The following NBR1 variants were observed in gnomAD, a reference collection of about 807,000 sequenced individuals.
NBR1 encodes the protein next to BRCA1 gene 1 protein.
A neutral mutation model predicts 115.5 loss-of-function variants in NBR1; 59 were observed. The observed-to-expected ratio is 0.51, with a 90% CI of 0.41 to 0.63. The LOEUF is 0.63. Among genes scored for constraint, NBR1 ranks in the 30% least tolerant of loss-of-function variants. The probability of loss-of-function intolerance (pLI) is 0.00; values close to 1 mark genes in which losing one functional copy is unlikely to be tolerated. For synonymous variants in NBR1, 373 were observed against 414.7 expected (o/e 0.90, Z 1.22); for missense variants, 1,043 against 1,150.5 (o/e 0.91, Z 1.35).
At chr17:43,178,180 A>C (rs552692911) in intron 3 of NBR1, 182 bp downstream of exon 3, 1 of 639,886 alleles carries the variant, frequency 1.6e-6, no homozygotes, top group African/African-American at 1.8e-5. Flanking sequence ...GAAATGGAGA[A>C]GCAACACTGA....
intron 20 of NBR1, 138 bp from the exon 21 acceptor site, chr17:43,209,763 C>T (rs369047400): frequency 5.4e-6 from 8 of 1,485,556 alleles, no homozygotes; most frequent in Middle Eastern, 1.8e-4. Context: ...AGTGCCATAG[C>T]CTTGAATCTA....
At chr17:43,189,565 C>A (rs2056894734) in intron 7 of NBR1, 23 bp from the exon 8 acceptor site, 1 of 1,583,498 alleles carries the variant, frequency 6.3e-7, no homozygotes. Flanking sequence ...AGTTTTTTCC[C>A]TACCTTCTGC....
intron 20 of NBR1, among the ~76,000 whole-genome samples, chr17:43,209,077 T>C (rs2057368575): frequency 6.6e-6 from 1 of 151,660 alleles, no homozygotes; most frequent in Non-Finnish European, 1.5e-5. Flanking sequence ...TCTTACCTAT[T>C]CTTGTTTTTT....
chr17:43,194,892 T>A lies in NBR1; in HGVS notation c.1675-72T>A, dbSNP rs939612891. The A allele has an allele frequency of 4.3e-5, 47 of 1,097,888 alleles. No individual in the cohort carries two copies. The African/African-American group carries it at 6.5e-4, about 15-fold the overall frequency. The allele number at this position is 1,097,888 out of a possible 1,614,324, so 68.0% of individuals were successfully genotyped here. ...AGTTGAATACGAAATGATGTGGAAA[T>A]GGTCTACAGGTCCCATCAAGACATG... On this transcript the variant is annotated intron_variant, in intron 13 of 20. Transcript: ENST00000590996.
chr17:43,193,530 C>G lies in NBR1; in HGVS notation c.1416C>G (p.Val472=), dbSNP rs1463285706. ...SHKGQQFGPR[V]WCSIIVDPFP... The stretch of plus-strand genomic sequence containing the variant: ...AAGGCCAGCAATTTGGGCCTCGGGT[C>G]TGGTGCAGTATCATAGTAGATCCTT... The change falls in exon 12 of 21, where the codon GTC becomes GTG. Residue 472 remains valine (V), a synonymous_variant. Transcript: ENST00000590996. The G allele has an allele frequency of 1.2e-6, 2 of 1,613,472 alleles. No homozygotes were observed. Among genetic ancestry groups the G allele is most frequent in the Non-Finnish European group, 1.7e-6 (2 of 1,179,762 alleles).
At chr17:43,176,046 G>A in intron 2 of NBR1, 145 bp downstream of exon 2, 1 of 549,518 alleles carries the variant, frequency 1.8e-6, no homozygotes, top group South Asian at 2.7e-5. Context: ...CTTTTGATAG[G>A]GTTTCAGTAT....
At chr17:43,180,083 G>A (rs1389603010) in intron 4 of NBR1, among the ~76,000 whole-genome samples, 1 of 152,174 alleles carries the variant, frequency 6.6e-6, no homozygotes, top group East Asian at 1.9e-4. Flanking sequence ...ATTCTTTAAA[G>A]TCAGGATTAG....
At chr17:43,174,953 AAAATT>A (rs2056469830) in intron 1 of NBR1, among the ~76,000 whole-genome samples, 1 of 151,614 alleles carries the variant, frequency 6.6e-6, no homozygotes, top group African/African-American at 2.4e-5. Flanking sequence ...AAAAAAAAAA[AAAATT>A]AGCCGGATGT....
rs933733218 is a variant in NBR1 at position 43,210,761 on chromosome 17, T to C, written c.*687T>C. ...AAACCTACCAGCACCTATTGAGCAA[T>C]GTCTATTATAGTAATTTTGCATACA... On this transcript the variant is annotated 3_prime_UTR_variant, in exon 21 of 21. Transcript: ENST00000590996. The C allele has an allele frequency of 1.1e-4, 43 of 398,316 alleles. No individual in the cohort carries two copies. Among genetic ancestry groups the C allele is most frequent in the African/African-American group, 8.2e-4 (40 of 48,556 alleles). The allele number at this position is 398,316 out of a possible 1,614,324, so 24.7% of individuals were successfully genotyped here.
intron 5 of NBR1, among the ~76,000 whole-genome samples, chr17:43,183,578 C>T (rs2056728654): frequency 6.6e-6 from 1 of 151,964 alleles, no homozygotes; most frequent in Non-Finnish European, 1.5e-5. Context: ...GGCTTACTGC[C>T]CCCTCAACGT....
intron 2 of NBR1, among the ~76,000 whole-genome samples, chr17:43,177,572 A>AACACACACACACACACACACACACAC (rs60320098): frequency 1.4e-4 from 18 of 131,326 alleles, no homozygotes; most frequent in African/African-American, 5.2e-4. Flanking sequence ...CCCCACCCAA[A>AACACACACACACACACACACACACAC]ACACACACAC....
Position 43,194,362 on chromosome 17 carries a change from C to T in NBR1, c.1537C>T (p.Leu513=). The T allele has an allele frequency of 6.2e-7, 1 of 1,612,804 alleles. No individual in the cohort carries two copies. The highest frequency in any genetic ancestry group is 8.5e-7 in the Non-Finnish European group (1 of 1,179,384). ...TTTGTCTCTATAGGAAACTTTTCTT[C>T]TGGCTAAAGAAGAAAGACAGCTTGG... ...LTCQQEETFL[L]AKEERQLGEV... Residue 513 remains leucine (L), a synonymous_variant, in exon 13 of 21, where the codon CTG becomes TTG. Coordinates refer to ENST00000590996, the MANE Select transcript of NBR1 (RefSeq NM_005899.5).
intron 16 of NBR1, among the ~76,000 whole-genome samples, chr17:43,198,356 TTAAAG>T (rs1427858959): frequency 1.3e-5 from 2 of 151,944 alleles, no homozygotes; most frequent in Non-Finnish European, 2.9e-5. Flanking sequence ...TTACTTTTGT[TTAAAG>T]TATACATGTA....
intron 6 of NBR1, among the ~76,000 whole-genome samples, chr17:43,188,179 T>G (rs1474869195): frequency 6.6e-6 from 1 of 152,154 alleles, no homozygotes; most frequent in Non-Finnish European, 1.5e-5. Context: ...CGTGAGCCAC[T>G]GCGCCCGGCC....
chr17:43,210,487 ATTATTCTCATAATTC>A lies in NBR1; in HGVS notation c.*428_*442del, dbSNP rs1290765664. 1.6e-4 allele frequency: 63 copies of A among 397,432 alleles called. 2 individuals are homozygous for A. The highest frequency in any genetic ancestry group is 8.2e-4 in the East Asian group (23 of 28,028). The allele number at this position is 397,432 out of a possible 1,614,324, so 24.6% of individuals were successfully genotyped here. ...TTAACCTCGGAAGTTGTTTTTAAGA[ATTATTCTCATAATTC>A]TTATTCTCATAATTTCTGTAATCCA... On this transcript the variant is annotated 3_prime_UTR_variant, in exon 21 of 21. Coordinates refer to ENST00000590996, the MANE Select transcript of NBR1 (RefSeq NM_005899.5).
chr17:43,172,357 G>A (rs2056397378), intron 1 of NBR1, among the ~76,000 whole-genome samples: 1 of 152,144 alleles, frequency 6.6e-6, no homozygotes, highest in South Asian at 2.1e-4. Context: ...TCTCTTAGTT[G>A]GCCCACCAGC....
At position 43,186,322 on chromosome 17, in the gene NBR1, C is replaced by T. The variant is rs766548202; in HGVS notation, c.280C>T (p.Pro94Ser). ...GCACCATGTCGTTGATGAAGCCCCA[C>T]CCCCAGTTGTAGGAGCAAAACGACT... is the stretch of plus-strand genomic sequence containing the variant. The part of the protein sequence containing the change: ...EGHHVVDEAP[P>S]PVVGAKRLAA... The change falls in exon 6 of 21, where the codon CCC becomes TCC. Residue 94 changes from proline to serine, a missense_variant. Physicochemically the swap from Pro to Ser is moderately conservative, Grantham distance 74. Transcript: ENST00000590996. The T allele has an allele frequency of 5.0e-6, 8 of 1,593,296 alleles. No individual in the cohort carries two copies. The Admixed American group carries it at 5.3e-5, about 11-fold the overall frequency.
chr17:43,196,683 A>C, intron 15 of NBR1, 92 bp downstream of exon 15: 1 of 1,017,550 alleles, frequency 9.8e-7, no homozygotes, highest in African/African-American at 1.6e-5. Context: ...CTACCTTAGC[A>C]TGTAAATGGG....
At chr17:43,171,009 C>T (rs749462770), upstream of NBR1, 3 of 152,338 alleles carry the variant, frequency 2.0e-5, no homozygotes, top group Non-Finnish European at 4.4e-5. Flanking sequence ...CCGCTCTGGC[C>T]CACATCTGCG....
Sources: allele counts gnomAD v4.1 joint callset (sites outside exome capture counted in the v4.1 genomes callset), GRCh38; gene constraint gnomAD v4.1.1; transcripts MANE v1.5; gene names NCBI Gene and HGNC (gene_info 2026-07-23, HGNC 2026-07-21).